Variants in WDR20 observed in about 807,000 individuals in gnomAD.
The protein encoded by WDR20 is WD repeat domain 20, also known as WD repeat-containing protein 20.
Under a neutral mutation model 38.7 loss-of-function variants are expected in WDR20, and 3 were observed. The observed-to-expected ratio is 0.08, with a 90% CI of 0.04 to 0.20. WDR20 has a LOEUF of 0.20. Ranked by LOEUF, WDR20 falls within the 10% of genes least tolerant of loss-of-function variation. The pLI is 1.00. For missense variants in WDR20, 559 were observed against 727.7 expected (o/e 0.77, Z 2.67); for synonymous variants, 298 against 285.6 (o/e 1.04, Z -0.44).
intron 1 of WDR20, among the ~76,000 whole-genome samples, chr14:102,147,894 C>T (rs1416039797): frequency 1.3e-5 from 2 of 152,124 alleles, no homozygotes; most frequent in African/African-American, 4.8e-5. Flanking sequence ...CCACACCCAG[C>T]TAATTTTTGT....
chr14:102,211,062 C>T (rs898218970), downstream of WDR20, among the ~76,000 whole-genome samples: 4 of 152,250 alleles, frequency 2.6e-5, no homozygotes, highest in Admixed American at 2.0e-4. The surrounding 1 kb of genome is among the most constrained non-coding windows in gnomAD (Gnocchi z 4.2). Flanking sequence ...CTCTGCTGCT[C>T]CCCCGGAGAC....
intron 1 of WDR20, among the ~76,000 whole-genome samples, chr14:102,142,624 A>G (rs1433318672): frequency 6.6e-6 from 1 of 151,846 alleles, no homozygotes; most frequent in South Asian, 2.1e-4. Flanking sequence ...TAATTAAAAA[A>G]AAAAATGTTT....
At chr14:102,140,749 C>G (rs1333417471) in intron 1 of WDR20, among the ~76,000 whole-genome samples, 1 of 152,186 alleles carries the variant, frequency 6.6e-6, no homozygotes, top group Non-Finnish European at 1.5e-5. Context: ...ATTTCTATTT[C>G]CAAAAACATC....
In WDR20 at chr14:102,208,453, C is replaced by A; in HGVS notation, c.433-150C>A. 1 of 1,110,534 alleles carries A rather than the reference C, an allele frequency of 9.0e-7. No homozygotes were observed. The highest frequency in any genetic ancestry group is 1.2e-6 in the Non-Finnish European group (1 of 808,870). The allele number at this position is 1,110,534 out of a possible 1,614,324, so 68.8% of individuals were successfully genotyped here. ...ATTACCCCAAAAGGGCCAAAACGCT[C>A]CTTGCTGGCTTGGCTGACTGCAGGA... On this transcript the variant is annotated intron_variant, in intron 2 of 2. Coordinates refer to ENST00000342702, the MANE Select transcript of WDR20 (RefSeq NM_144574.4). This position sits in a 1 kb window ranked among gnomAD's most constrained non-coding sequence, Gnocchi z 5.6.
chr14:102,178,732 C>T (rs1290367747), intron 1 of WDR20, among the ~76,000 whole-genome samples: 1 of 151,862 alleles, frequency 6.6e-6, no homozygotes, highest in African/African-American at 2.4e-5. Flanking sequence ...AAACTCAGCT[C>T]ACTGACTATT....
At chr14:102,147,509 C>G (rs1487685187) in intron 1 of WDR20, among the ~76,000 whole-genome samples, 1 of 152,208 alleles carries the variant, frequency 6.6e-6, no homozygotes. Flanking sequence ...AGTATGCCTA[C>G]CAGATATGAG....
chr14:102,188,000 C>T (rs2065283847), intron 1 of WDR20, among the ~76,000 whole-genome samples: 1 of 152,140 alleles, frequency 6.6e-6, no homozygotes, highest in Admixed American at 6.5e-5. Context: ...CAAGACTCTG[C>T]AAGACCGGTT....
intron 1 of WDR20, among the ~76,000 whole-genome samples, chr14:102,148,405 T>C (rs1241627438): frequency 2.0e-5 from 3 of 151,916 alleles, no homozygotes; most frequent in Admixed American, 2.0e-4. Context: ...CCAGGTGTGG[T>C]GGTGCACGCC....
downstream of WDR20, chr14:102,224,827 T>G (rs1383199414): frequency 6.6e-6 from 3 of 455,688 alleles, no homozygotes; most frequent in African/African-American, 4.0e-5. Flanking sequence ...ACACTAAGAC[T>G]TGCTGTTCTA....
At chr14:102,150,817 A>G (rs1044673117) in intron 1 of WDR20, among the ~76,000 whole-genome samples, 9 of 152,192 alleles carry the variant, frequency 5.9e-5, no homozygotes, top group African/African-American at 1.9e-4. Context: ...GACGGACATG[A>G]TATTCACACA....
At chr14:102,157,251 C>G (rs574998006) in intron 1 of WDR20, 1 of 152,242 alleles carries the variant, frequency 6.6e-6, no homozygotes, top group Admixed American at 6.5e-5. Flanking sequence ...AACAGAAACC[C>G]TGTCTCTAAA....
intron 1 of WDR20, among the ~76,000 whole-genome samples, chr14:102,156,477 C>G (rs935355220): frequency 2.0e-4 from 31 of 151,928 alleles, no homozygotes; most frequent in African/African-American, 7.3e-4. Flanking sequence ...CCCATTAGAT[C>G]TTGTTATTCA....
In WDR20 at chr14:102,152,212, T is replaced by TG. The variant is rs570527046; in HGVS notation, c.249+12042dup. Among the ~76,000 whole-genome samples, 385 of 152,092 alleles carry TG rather than the reference T, an allele frequency of 2.5e-3. 4 individuals are homozygous for TG. Among genetic ancestry groups the TG allele is most frequent in the African/African-American group, 8.8e-3 (364 of 41,506 alleles). ...ATTATAGGTGTGAGCCACTGAACCC[T>TG]GGCCCATGAGTACTCTTTTTCTTCC... On this transcript the variant is annotated intron_variant, in intron 1 of 2. Transcript: ENST00000342702.
downstream of WDR20, chr14:102,224,830 C>T (rs761262429): frequency 2.2e-6 from 1 of 455,766 alleles, no homozygotes; most frequent in South Asian, 1.6e-5. Flanking sequence ...CTAAGACTTG[C>T]TGTTCTAAAT....
chr14:102,198,097 CTTTATTTATTTATTTATTTATTTATTTA>C (rs67384915), intron 2 of WDR20: 6 of 176,576 alleles, frequency 3.4e-5, no homozygotes, highest in African/African-American at 4.9e-5. Flanking sequence ...CAGAGGTCTA[CTTTATTTATTTATTTATTTATTTATTTA>C]TTTATTTATT....
chr14:102,217,765 G>A (rs567423575), downstream of WDR20, among the ~76,000 whole-genome samples: 60 of 152,358 alleles, frequency 3.9e-4, no homozygotes, highest in African/African-American at 1.4e-3. Context: ...AGTCTTGCAC[G>A]TGAGCAGTTA....
intron 1 of WDR20, among the ~76,000 whole-genome samples, chr14:102,146,339 A>G (rs1257463360): frequency 1.3e-5 from 2 of 151,818 alleles, no homozygotes; most frequent in Non-Finnish European, 1.5e-5. Flanking sequence ...TAATTTTTGT[A>G]TATTTAGTAG....
At position 102,210,278 on chromosome 14, in the gene WDR20, C is replaced by A; in HGVS notation, c.*398C>A. The A allele has an allele frequency of 1.0e-6, 1 of 999,902 alleles. No homozygotes were observed. Among genetic ancestry groups the A allele is most frequent in the Non-Finnish European group, 1.2e-6 (1 of 838,476 alleles). The allele number at this position is 999,902 out of a possible 1,614,324, so 61.9% of individuals were successfully genotyped here. On this transcript the variant is annotated 3_prime_UTR_variant, in exon 3 of 3. Transcript: ENST00000342702. ...AACTACTCAATTAGAATATTGTACACCTGATCAATGTGTGTTCAGCACAGA... is the reference window on the plus strand; with the variant it reads ...AACTACTCAATTAGAATATTGTACAACTGATCAATGTGTGTTCAGCACAGA...
chr14:102,176,356 C>G (rs751204999), intron 1 of WDR20, among the ~76,000 whole-genome samples: 2 of 151,796 alleles, frequency 1.3e-5, no homozygotes, highest in African/African-American at 2.4e-5. Context: ...GATCGCGCCA[C>G]TGTACTCCAG....
Sources: allele counts gnomAD v4.1 joint callset (sites outside exome capture counted in the v4.1 genomes callset), GRCh38; gene constraint gnomAD v4.1.1; non-coding constraint Gnocchi (gnomAD v3.1); transcripts MANE v1.5; gene names NCBI Gene and HGNC (gene_info 2026-07-23, HGNC 2026-07-21).